The following CDYL2 variants were observed in gnomAD, a reference collection of about 807,000 sequenced individuals.
The protein encoded by CDYL2 is chromodomain Y-like protein 2.
A neutral mutation model predicts 49.4 loss-of-function variants in CDYL2; 23 were observed. The ratio of observed to expected loss-of-function variants is 0.47; its 90% confidence interval spans 0.34 to 0.66. CDYL2 has a LOEUF of 0.66. Ranked by LOEUF, CDYL2 falls within the 30% of genes least tolerant of loss-of-function variation. The pLI is 0.01. For missense variants in CDYL2, 678 were observed against 656.4 expected (o/e 1.03, Z -0.36); for synonymous variants, 360 against 268.8 (o/e 1.34, Z -3.32).
At chr16:80,623,600 T>C (rs1907179035) in intron 3 of CDYL2, among the ~76,000 whole-genome samples, 1 of 152,234 alleles carries the variant, frequency 6.6e-6, no homozygotes, top group Non-Finnish European at 1.5e-5. Context: ...TCATGGGACC[T>C]GCAGGAAATT....
intron 1 of CDYL2, among the ~76,000 whole-genome samples, chr16:80,781,000 T>C (rs1183491458): frequency 1.3e-5 from 2 of 152,212 alleles, no homozygotes; most frequent in Non-Finnish European, 2.9e-5. Flanking sequence ...TCATGACCGA[T>C]ACTCACTTTG....
chr16:80,632,716 A>G (rs1354011761), intron 3 of CDYL2: 2 of 351,852 alleles, frequency 5.7e-6, no homozygotes, highest in Middle Eastern at 8.2e-4. Flanking sequence ...GAAAAGCCCA[A>G]GATGTGATGT....
At chr16:80,661,361 C>T (rs906748239) in intron 2 of CDYL2, among the ~76,000 whole-genome samples, 35 of 152,224 alleles carry the variant, frequency 2.3e-4, no homozygotes, top group African/African-American at 8.4e-4. Flanking sequence ...GAAATGGAGA[C>T]TCCAAGTGTC....
intron 1 of CDYL2, among the ~76,000 whole-genome samples, chr16:80,750,243 A>T (rs1906084169): frequency 6.6e-6 from 1 of 152,056 alleles, no homozygotes; most frequent in Admixed American, 6.5e-5. Flanking sequence ...TATTTTAAAA[A>T]AAGTTAAAAA....
intron 1 of CDYL2, among the ~76,000 whole-genome samples, chr16:80,749,591 A>G (rs1166180868): frequency 6.6e-6 from 1 of 152,304 alleles, no homozygotes; most frequent in African/African-American, 2.4e-5. Flanking sequence ...CACCCCAATA[A>G]CTAACTCTTG....
At position 80,597,945 on chromosome 16, in the gene CDYL2, G is replaced by A. The variant is rs1386611119; in HGVS notation, c.*6443C>T. The A allele has an allele frequency of 6.6e-6, 1 of 152,136 alleles. No individual in the cohort carries two copies. The highest frequency in any genetic ancestry group is 2.4e-5 in the African/African-American group (1 of 41,434). The allele number at this position is 152,136 out of a possible 1,614,324, so 9.4% of individuals were successfully genotyped here. On this transcript the variant is annotated 3_prime_UTR_variant, in exon 7 of 7. Transcript: ENST00000570137. The stretch of plus-strand genomic sequence containing the variant: ...TTTATTCAAAGCAGCTTCTCACAAT[G>A]TATAAATACTGCATATTAGCACACA...
chr16:80,772,820 G>T (rs928829914), intron 1 of CDYL2, among the ~76,000 whole-genome samples: 1 of 151,818 alleles, frequency 6.6e-6, no homozygotes, highest in African/African-American at 2.4e-5. Flanking sequence ...ACCACTAAAA[G>T]AAAAGAAAAA....
At chr16:80,773,986 T>G (rs958809410) in intron 1 of CDYL2, among the ~76,000 whole-genome samples, 1 of 152,100 alleles carries the variant, frequency 6.6e-6, no homozygotes, top group Non-Finnish European at 1.5e-5. Flanking sequence ...AAGAACAACC[T>G]TTATGTATAT....
At chr16:80,606,787 T>C (rs2142357878) in intron 6 of CDYL2, among the ~76,000 whole-genome samples, 2 of 152,310 alleles carry the variant, frequency 1.3e-5, no homozygotes, top group South Asian at 4.1e-4. Context: ...GTTCTCCTGG[T>C]AGTGAAGAAG....
chr16:80,712,661 T>C (rs1490735365), intron 1 of CDYL2, among the ~76,000 whole-genome samples: 2 of 152,018 alleles, frequency 1.3e-5, no homozygotes, highest in East Asian at 3.9e-4. Context: ...CAAACCACAA[T>C]GGCCCCCAAA....
At chr16:80,737,239 T>C (rs1029920096) in intron 1 of CDYL2, among the ~76,000 whole-genome samples, 1 of 152,198 alleles carries the variant, frequency 6.6e-6, no homozygotes. Flanking sequence ...CTCACAGAGA[T>C]GTTAACACTT....
chr16:80,654,558 G>A (rs556849591), intron 2 of CDYL2, among the ~76,000 whole-genome samples: 166 of 152,284 alleles, frequency 1.1e-3, no homozygotes, highest in African/African-American at 3.8e-3. Flanking sequence ...AAGCCTACAG[G>A]AATTGCCCCT....
chr16:80,776,319 T>C (rs955809541), intron 1 of CDYL2, among the ~76,000 whole-genome samples: 2 of 152,046 alleles, frequency 1.3e-5, no homozygotes, highest in Middle Eastern at 3.2e-3. Context: ...TTGGAAATAA[T>C]TTGGTGAATC....
intron 1 of CDYL2, among the ~76,000 whole-genome samples, chr16:80,701,983 C>T (rs1434086305): frequency 6.6e-6 from 1 of 152,166 alleles, no homozygotes; most frequent in Non-Finnish European, 1.5e-5. Flanking sequence ...AACATCCCTT[C>T]ATATATTAGG....
chr16:80,761,681 G>T (rs1179685272), intron 1 of CDYL2, among the ~76,000 whole-genome samples: 2 of 152,012 alleles, frequency 1.3e-5, no homozygotes, highest in African/African-American at 2.4e-5. Flanking sequence ...AGATGTGAAA[G>T]CCCTAACTTT....
chr16:80,716,384 G>A lies in CDYL2; in HGVS notation c.25-31255C>T, dbSNP rs149458177. On this transcript the variant is annotated intron_variant, in intron 1 of 6. Transcript: ENST00000570137. ...ACAGCTCCTGACATACTGGATGGCT[G>A]GGTAGATGAATGAGTGGGTGGGTGG... 3.9e-5 allele frequency among the ~76,000 whole-genome samples: 6 copies of A among 152,332 alleles called. No individual in the cohort carries two copies. In the East Asian group the frequency reaches 1.2e-3, roughly 29 times the overall value.
intron 5 of CDYL2, among the ~76,000 whole-genome samples, chr16:80,609,677 G>C (rs1567538378): frequency 6.6e-6 from 1 of 152,150 alleles, no homozygotes; most frequent in Non-Finnish European, 1.5e-5. Context: ...TGGCAGGTGT[G>C]AGTTACAAGG....
chr16:80,608,070 C>T lies in CDYL2; in HGVS notation c.1362+22G>A, dbSNP rs75994894. The stretch of plus-strand genomic sequence containing the variant: ...AATGGGTCTATCAAAAGGACAAGCA[C>T]GCAGGAGGCGCAGGAACTCACCACG... On this transcript the variant is annotated intron_variant, in intron 6 of 6. Transcript: ENST00000570137. The T allele has an allele frequency of 4.1e-3, 6,406 of 1,547,914 alleles. 212 individuals carry two copies. In the African/African-American group the frequency reaches 0.076, roughly 18 times the overall value.
chr16:80,785,564 T>C (rs1314249099), intron 1 of CDYL2, among the ~76,000 whole-genome samples: 2 of 152,012 alleles, frequency 1.3e-5, no homozygotes, highest in Non-Finnish European at 2.9e-5. Flanking sequence ...TTCAATGCTA[T>C]CCCCATCAAG....
Sources: allele counts gnomAD v4.1 joint callset (sites outside exome capture counted in the v4.1 genomes callset), GRCh38; gene constraint gnomAD v4.1.1; transcripts MANE v1.5; gene names NCBI Gene and HGNC (gene_info 2026-07-23, HGNC 2026-07-21).